Variants in XKR4 observed in about 807,000 individuals in gnomAD.
XKR4 encodes XK-related protein 4.
Under a neutral mutation model 53.9 loss-of-function variants are expected in XKR4, and 12 were observed. That is an observed-to-expected ratio of 0.22 (90% CI 0.14 to 0.36). XKR4 has a LOEUF of 0.36. Ranked by LOEUF, XKR4 falls within the 10% of genes least tolerant of loss-of-function variation. The pLI is 1.00. For synonymous variants in XKR4, 354 were observed against 362.4 expected (o/e 0.98, Z 0.26); for missense variants, 799 against 859.5 (o/e 0.93, Z 0.88).
chr8:55,451,573 T>G, intron 2 of XKR4: 2 of 1,227,670 alleles, frequency 1.6e-6, no homozygotes, highest in South Asian at 2.8e-5. Flanking sequence ...CAGTACTGCC[T>G]TGGACCGCCG....
intron 2 of XKR4, chr8:55,450,436 ACACAGAG>A: frequency 1.7e-6 from 1 of 583,090 alleles, no homozygotes; most frequent in Non-Finnish European, 3.2e-6. Context: ...CATCCGGTCC[ACACAGAG>A]ACCTGCAAGG....
At chr8:55,497,744 C>T (rs1806372317) in intron 2 of XKR4, among the ~76,000 whole-genome samples, 1 of 151,216 alleles carries the variant, frequency 6.6e-6, no homozygotes, top group South Asian at 2.1e-4. Flanking sequence ...CCTTACTGAC[C>T]TCCTTGCACT....
intron 2 of XKR4, among the ~76,000 whole-genome samples, chr8:55,393,711 G>A (rs1194894168): frequency 6.6e-6 from 1 of 152,198 alleles, no homozygotes; most frequent in Non-Finnish European, 1.5e-5. Flanking sequence ...AAGTCATCAA[G>A]CTGGCTACTA....
rs1400657453 is a variant in XKR4 at position 55,533,003 on chromosome 8, G to T, written c.*8776G>T. ...GCTAATTTAATTTACCTATTCTAGT[G>T]GCATTCTGGTATGGAGCTGTATCAA... On this transcript the variant is annotated 3_prime_UTR_variant, in exon 3 of 3. Coordinates refer to ENST00000327381, the MANE Select transcript of XKR4 (RefSeq NM_052898.2). The T allele has an allele frequency of 6.6e-6, 1 of 152,066 alleles. No individual in the cohort carries two copies. Among genetic ancestry groups the T allele is most frequent in the Non-Finnish European group, 1.5e-5 (1 of 68,022 alleles). 9.4% of individuals were successfully genotyped at this position (152,066 alleles called of 1,614,324 possible). A position where few individuals can be genotyped will look rare whatever the true frequency, so the allele number is the denominator to read the frequency against.
rs551447918 is a variant in XKR4 at position 55,304,417 on chromosome 8, C to G, written c.807-53261C>G. Among the ~76,000 whole-genome samples, 987 of 152,218 alleles carry G rather than the reference C, an allele frequency of 6.5e-3. 12 individuals are homozygous for G. The highest frequency in any genetic ancestry group is 0.022 in the African/African-American group (930 of 41,530). ...TTGCTGAGGAGTGCTTTACTTCCAA[C>G]TATGTGGTCAATTTTGGAATAGGTG... On this transcript the variant is annotated intron_variant, in intron 1 of 2. Coordinates refer to ENST00000327381, the MANE Select transcript of XKR4 (RefSeq NM_052898.2).
intron 2 of XKR4, among the ~76,000 whole-genome samples, chr8:55,497,787 A>G (rs1481298720): frequency 6.6e-6 from 1 of 152,170 alleles, no homozygotes; most frequent in Non-Finnish European, 1.5e-5. Context: ...TGACCACACA[A>G]CAGCCTGGGA....
chr8:55,107,561 C>T (rs1337201741), intron 1 of XKR4, among the ~76,000 whole-genome samples: 3 of 152,068 alleles, frequency 2.0e-5, no homozygotes, highest in Non-Finnish European at 4.4e-5. Context: ...ACTTACTATA[C>T]CATTTGGACA....
chr8:55,256,568 A>T (rs998341641), intron 1 of XKR4, among the ~76,000 whole-genome samples: 3 of 152,250 alleles, frequency 2.0e-5, no homozygotes, highest in Non-Finnish European at 4.4e-5. Context: ...GAAGAGTCTA[A>T]GTTCTTCATT....
At chr8:55,229,307 G>T (rs559955915) in intron 1 of XKR4, among the ~76,000 whole-genome samples, 1 of 152,334 alleles carries the variant, frequency 6.6e-6, no homozygotes, top group African/African-American at 2.4e-5. Context: ...AGGTTGTGGA[G>T]CAAAAGAGGA....
intron 1 of XKR4, among the ~76,000 whole-genome samples, chr8:55,167,952 T>G (rs574390136): frequency 3.9e-5 from 6 of 152,288 alleles, no homozygotes; most frequent in Non-Finnish European, 2.9e-5. Context: ...AGTAACCAAC[T>G]GTAAAATGAA....
rs199710441 is a variant in XKR4, at chr8:55,438,587, CT to C, written c.1006+80712del. 1.2e-3 allele frequency among the ~76,000 whole-genome samples: 73 copies of C among 62,082 alleles called. 1 individual carries two copies. The highest frequency in any genetic ancestry group is 3.1e-3 in the South Asian group (6 of 1,942). 40.7% of individuals were successfully genotyped at this position (62,082 alleles called of 152,430 possible). On this transcript the variant is annotated intron_variant, in intron 2 of 2. Transcript: ENST00000327381. Reference sequence around the variant, plus strand: ...CCTAGGTGACAGAGCAAGACTCCATCTTGAAAAAAAAAAAAAAAAAGAGAGA... The same window carrying C: ...CCTAGGTGACAGAGCAAGACTCCATCTGAAAAAAAAAAAAAAAAAGAGAGA...
chr8:55,140,267 G>A, intron 1 of XKR4: 1 of 289,846 alleles, frequency 3.5e-6, no homozygotes, highest in South Asian at 3.1e-5. Context: ...TAACTCTTAG[G>A]AAGGGAAGTG....
At chr8:55,373,876 A>C (rs1804110603) in intron 2 of XKR4, among the ~76,000 whole-genome samples, 1 of 152,122 alleles carries the variant, frequency 6.6e-6, no homozygotes, top group Admixed American at 6.5e-5. Flanking sequence ...TTGGCCAGGA[A>C]GTTTGATAGC....
chr8:55,305,440 C>T (rs1819281662), intron 1 of XKR4, among the ~76,000 whole-genome samples: 1 of 152,144 alleles, frequency 6.6e-6, no homozygotes, highest in Non-Finnish European at 1.5e-5. Context: ...CTTCTCATCT[C>T]TTACTCCCAA....
At chr8:55,425,260 A>G (rs1449253796) in intron 2 of XKR4, among the ~76,000 whole-genome samples, 2 of 152,216 alleles carry the variant, frequency 1.3e-5, no homozygotes, top group Non-Finnish European at 2.9e-5. Flanking sequence ...TAGGTCTTCC[A>G]TGATTTCAAA....
At chr8:55,183,494 A>T (rs886507220) in intron 1 of XKR4, among the ~76,000 whole-genome samples, 1 of 151,992 alleles carries the variant, frequency 6.6e-6, no homozygotes, top group South Asian at 2.1e-4. Flanking sequence ...TCATTGATCC[A>T]TGGGTTATTT....
chr8:55,260,049 C>T (rs117176527), intron 1 of XKR4, among the ~76,000 whole-genome samples: 2,859 of 152,218 alleles, frequency 0.019, 35 homozygotes, highest in Non-Finnish European at 0.029. Flanking sequence ...CTGTCTATCT[C>T]CCCTACTAGG....
At chr8:55,270,522 A>G (rs1200189384) in intron 1 of XKR4, among the ~76,000 whole-genome samples, 1 of 152,158 alleles carries the variant, frequency 6.6e-6, no homozygotes, top group Non-Finnish European at 1.5e-5. Flanking sequence ...CCCATTGTGA[A>G]CATCTCACAA....
At chr8:55,498,391 C>G (rs540216448) in intron 2 of XKR4, among the ~76,000 whole-genome samples, 2 of 152,272 alleles carry the variant, frequency 1.3e-5, no homozygotes, top group East Asian at 1.9e-4. Flanking sequence ...CTGCTTGGCC[C>G]GTGCAGCAGG....
Sources: allele counts gnomAD v4.1 joint callset (sites outside exome capture counted in the v4.1 genomes callset), GRCh38; gene constraint gnomAD v4.1.1; transcripts MANE v1.5; gene names NCBI Gene and HGNC (gene_info 2026-07-23, HGNC 2026-07-21).